The following STAM variants were observed in gnomAD, a reference collection of about 807,000 sequenced individuals.
STAM encodes signal transducing adaptor molecule.
STAM carries 16 observed loss-of-function variants against 63.4 expected under a neutral mutation model. The ratio of observed to expected loss-of-function variants is 0.25; its 90% CI spans 0.17 to 0.38. STAM has a LOEUF of 0.38. Ranked by LOEUF, STAM falls within the 10% of genes least tolerant of loss-of-function variation. The pLI, the probability that STAM is intolerant of heterozygous loss-of-function variation, is 1.00. For missense variants in STAM, 636 were observed against 657.1 expected (o/e 0.97, Z 0.35); for synonymous variants, 238 against 223.9 (o/e 1.06, Z -0.56).
chr10:17,688,292 A>G, intron 5 of STAM, 119 bp downstream of exon 5: 1 of 1,031,004 alleles, frequency 9.7e-7, no homozygotes, highest in Non-Finnish European at 1.3e-6. Context: ...AATTTTCGTT[A>G]GCTAATTGTG....
chr10:17,709,383 G>T (rs1032350192), intron 13 of STAM, among the ~76,000 whole-genome samples: 3 of 151,816 alleles, frequency 2.0e-5, no homozygotes, highest in African/African-American at 4.8e-5. Context: ...TCTTATTTTT[G>T]CCCTGTTTTG....
intron 1 of STAM, among the ~76,000 whole-genome samples, chr10:17,647,059 A>G (rs1833546893): frequency 6.6e-6 from 1 of 152,222 alleles, no homozygotes. Flanking sequence ...ACACCGAAAG[A>G]TGTTACTAGA....
intron 12 of STAM, among the ~76,000 whole-genome samples, chr10:17,706,630 C>T (rs111429855): frequency 2.4e-4 from 37 of 152,128 alleles, no homozygotes; most frequent in African/African-American, 8.9e-4. Flanking sequence ...CCACCCGCCT[C>T]GGCCTCCCAA....
rs559251297 is a variant in STAM, at chr10:17,714,452, G to A, written c.1386-91G>A. On this transcript the variant is annotated intron_variant, in intron 13 of 13. Transcript: ENST00000377524. ...AGGTTATTAAATGAATTGACTATAT[G>A]AATGAATGCTTAGTAAATAGCTTTT... 18 of 1,196,054 alleles carry A rather than the reference G, an allele frequency of 1.5e-5. No individual in the cohort carries two copies. In the African/African-American group the frequency reaches 2.4e-4, roughly 16 times the overall value. 74.1% of individuals were successfully genotyped at this position (1,196,054 alleles called of 1,614,324 possible).
intron 2 of STAM, among the ~76,000 whole-genome samples, chr10:17,683,104 C>T (rs1219925350): frequency 1.3e-5 from 2 of 152,072 alleles, no homozygotes; most frequent in African/African-American, 4.8e-5. Flanking sequence ...TATGTTTCTT[C>T]TGTTTTCTCT....
At position 17,715,716 on chromosome 10, in the gene STAM, C is replaced by T. The variant is rs550971568; in HGVS notation, c.*936C>T. Reference sequence around the variant, plus strand: ...GTGGCAGTGACACCAAAGATAGAGGCAATGGATAGAAATTTTTAAACTGGA... The same window carrying T: ...GTGGCAGTGACACCAAAGATAGAGGTAATGGATAGAAATTTTTAAACTGGA... On this transcript the variant is annotated 3_prime_UTR_variant, in exon 14 of 14. Coordinates refer to ENST00000377524, the MANE Select transcript of STAM (RefSeq NM_003473.4). 6.6e-6 allele frequency: 1 copy of T among 152,660 alleles called. No homozygotes were observed. The highest frequency in any genetic ancestry group is 1.5e-5 in the Non-Finnish European group (1 of 67,990). The allele number at this position is 152,660 out of a possible 1,614,324, so 9.5% of individuals were successfully genotyped here.
At chr10:17,654,287 A>T (rs2131567547) in intron 1 of STAM, among the ~76,000 whole-genome samples, 1 of 152,184 alleles carries the variant, frequency 6.6e-6, no homozygotes, top group East Asian at 1.9e-4. Context: ...CAGTGGCATG[A>T]TCTCAGCTCA....
At chr10:17,658,575 A>G (rs1222245715) in intron 1 of STAM, among the ~76,000 whole-genome samples, 8 of 151,908 alleles carry the variant, frequency 5.3e-5, no homozygotes, top group Non-Finnish European at 1.2e-4. Flanking sequence ...CAGTGGTGCA[A>G]TCTTGGTTCA....
At chr10:17,651,930 A>C (rs890832724) in intron 1 of STAM, among the ~76,000 whole-genome samples, 1 of 152,202 alleles carries the variant, frequency 6.6e-6, no homozygotes, top group Non-Finnish European at 1.5e-5. Flanking sequence ...TTTGAGAAAA[A>C]TCAAAAGTTG....
At chr10:17,710,822 C>G (rs1406085476) in intron 13 of STAM, among the ~76,000 whole-genome samples, 1 of 152,070 alleles carries the variant, frequency 6.6e-6, no homozygotes, top group Non-Finnish European at 1.5e-5. Flanking sequence ...CTATATTAGA[C>G]CAGTTAGGTG....
intron 1 of STAM, among the ~76,000 whole-genome samples, chr10:17,653,637 A>T (rs988658980): frequency 3.3e-5 from 5 of 152,242 alleles, no homozygotes; most frequent in Non-Finnish European, 7.3e-5. Context: ...TACCGAACAC[A>T]TAGAGACATT....
chr10:17,652,849 C>T (rs1833793524), intron 1 of STAM, among the ~76,000 whole-genome samples: 1 of 152,146 alleles, frequency 6.6e-6, no homozygotes, highest in African/African-American at 2.4e-5. Context: ...CTCTGGGACT[C>T]CTCAATCAGA....
intron 1 of STAM, among the ~76,000 whole-genome samples, chr10:17,645,583 G>C (rs937610013): frequency 6.6e-6 from 1 of 152,134 alleles, no homozygotes. Flanking sequence ...TAGAGGGCCT[G>C]CTACAGTACC....
At chr10:17,647,894 C>T (rs1554821060) in intron 1 of STAM, among the ~76,000 whole-genome samples, 2 of 152,198 alleles carry the variant, frequency 1.3e-5, no homozygotes, top group Non-Finnish European at 2.9e-5. Flanking sequence ...AGATATCCAT[C>T]TCCTTACTGA....
chr10:17,705,815 C>G (rs782651940), intron 12 of STAM, 74 bp downstream of exon 12: 16 of 1,451,290 alleles, frequency 1.1e-5, no homozygotes, highest in East Asian at 2.4e-5. Flanking sequence ...TGCCTGTAAT[C>G]TCAGCAATTT....
chr10:17,695,814 A>G (rs1276789881), intron 7 of STAM: 2 of 152,306 alleles, frequency 1.3e-5, no homozygotes, highest in African/African-American at 2.4e-5. Flanking sequence ...AAATTGATTT[A>G]AAGTTCTTCC....
chr10:17,703,019 A>G (rs2131678202), intron 9 of STAM, among the ~76,000 whole-genome samples: 2 of 120,218 alleles, frequency 1.7e-5, no homozygotes, highest in Middle Eastern at 9.7e-3. Context: ...AAAAAAAAAA[A>G]AAAAAAAAGA....
intron 1 of STAM, among the ~76,000 whole-genome samples, chr10:17,653,914 C>G (rs1390128367): frequency 4.6e-5 from 7 of 152,132 alleles, no homozygotes; most frequent in African/African-American, 1.4e-4. Context: ...TGATAAAACT[C>G]TAATTGTAAG....
intron 13 of STAM, among the ~76,000 whole-genome samples, chr10:17,709,244 GATA>G (rs1417436231): frequency 6.6e-6 from 1 of 152,056 alleles, no homozygotes; most frequent in Admixed American, 6.6e-5. Flanking sequence ...TATGATATTT[GATA>G]ATGTCTTTAA....
Sources: allele counts gnomAD v4.1 joint callset (sites outside exome capture counted in the v4.1 genomes callset), GRCh38; gene constraint gnomAD v4.1.1; transcripts MANE v1.5; gene names NCBI Gene and HGNC (gene_info 2026-07-23, HGNC 2026-07-21).